The following NRCAM variants were observed in gnomAD, a reference collection of about 807,000 sequenced individuals.
NRCAM encodes NgCAM-related cell adhesion molecule.
NRCAM carries 83 observed loss-of-function variants against 156.5 expected under a neutral mutation model. The observed-to-expected ratio is 0.53, with a 90% CI of 0.44 to 0.64. The LOEUF is 0.64. Ranked by LOEUF, NRCAM falls within the 30% of genes least tolerant of loss-of-function variation. The probability of loss-of-function intolerance (pLI) is 0.00; values close to 1 mark genes in which losing one functional copy is unlikely to be tolerated. For missense variants in NRCAM, 1,417 were observed against 1,597.3 expected (o/e 0.89, Z 1.92); for synonymous variants, 538 against 563.9 (o/e 0.95, Z 0.65).
chr7:108,285,568 A>G (rs901815984), intron 3 of NRCAM, among the ~76,000 whole-genome samples: 2 of 152,238 alleles, frequency 1.3e-5, no homozygotes, highest in African/African-American at 4.8e-5. Flanking sequence ...GGAAGGATTC[A>G]GGTCCAAACT....
At chr7:108,188,912 G>A (rs906558121) in intron 20 of NRCAM, among the ~76,000 whole-genome samples, 5 of 150,364 alleles carry the variant, frequency 3.3e-5, no homozygotes, top group Non-Finnish European at 5.9e-5. Context: ...GTCTTCCTGC[G>A]GTATATGCCT....
At chr7:108,323,895 T>C (rs1473187559) in intron 2 of NRCAM, among the ~76,000 whole-genome samples, 6 of 152,142 alleles carry the variant, frequency 3.9e-5, no homozygotes, top group Admixed American at 1.3e-4. Context: ...TGAGAGCCAC[T>C]GCGAAAGGGC....
intron 2 of NRCAM, among the ~76,000 whole-genome samples, chr7:108,397,916 C>G (rs549586825): frequency 6.6e-6 from 1 of 152,070 alleles, no homozygotes; most frequent in East Asian, 1.9e-4. Context: ...AGAAGAAATA[C>G]TACAGATACA....
chr7:108,441,820 T>C (rs1194653094), intron 1 of NRCAM, among the ~76,000 whole-genome samples: 1 of 152,236 alleles, frequency 6.6e-6, no homozygotes, highest in East Asian at 1.9e-4. Flanking sequence ...TGCCTGTTCA[T>C]TTACATAGTG....
chr7:108,353,592 AT>A (rs1451979171), intron 2 of NRCAM, among the ~76,000 whole-genome samples: 1 of 152,190 alleles, frequency 6.6e-6, no homozygotes, highest in Non-Finnish European at 1.5e-5. Context: ...AAGTGCAGGG[AT>A]TACAGGCATG....
chr7:108,415,843 T>C (rs1048738838), intron 1 of NRCAM, among the ~76,000 whole-genome samples: 8 of 152,182 alleles, frequency 5.3e-5, no homozygotes, highest in African/African-American at 1.7e-4. Context: ...TATCACGCCA[T>C]TGCGCTCCAG....
intron 1 of NRCAM, among the ~76,000 whole-genome samples, chr7:108,413,378 GTCT>G (rs1202326364): frequency 2.0e-5 from 3 of 152,230 alleles, no homozygotes; most frequent in South Asian, 2.1e-4. Flanking sequence ...TATTTGGGCT[GTCT>G]TCTTGTTATT....
intron 11 of NRCAM, among the ~76,000 whole-genome samples, chr7:108,214,793 A>T (rs565158277): frequency 1.3e-5 from 2 of 152,168 alleles, no homozygotes; most frequent in African/African-American, 4.8e-5. Flanking sequence ...ATCCTGGTAC[A>T]TTGTGTCTTT....
At chr7:108,445,467 T>C (rs530551657) in intron 1 of NRCAM, among the ~76,000 whole-genome samples, 1 of 152,322 alleles carries the variant, frequency 6.6e-6, no homozygotes, top group African/African-American at 2.4e-5. Context: ...GAATACATGA[T>C]ACATACGTAT....
At chr7:108,249,232 G>A (rs61057696) in intron 3 of NRCAM, among the ~76,000 whole-genome samples, 7,564 of 152,040 alleles carry the variant, frequency 0.05, 244 homozygotes, top group South Asian at 0.11. Flanking sequence ...TAATCATAAC[G>A]GAACCAAGAA....
chr7:108,382,218 A>G (rs970830713), intron 2 of NRCAM, among the ~76,000 whole-genome samples: 5 of 134,700 alleles, frequency 3.7e-5, no homozygotes, highest in East Asian at 2.9e-4. Flanking sequence ...CCAGAGGAAC[A>G]GAGATTTTTT....
chr7:108,368,352 TAC>T (rs1265963105), intron 2 of NRCAM, among the ~76,000 whole-genome samples: 7 of 151,900 alleles, frequency 4.6e-5, no homozygotes, highest in African/African-American at 7.2e-5. Context: ...TGACTTGACT[TAC>T]CAAGTGAAGT....
intron 2 of NRCAM, among the ~76,000 whole-genome samples, chr7:108,397,341 T>G (rs533396727): frequency 2.6e-4 from 39 of 152,264 alleles, no homozygotes; most frequent in Non-Finnish European, 5.0e-4. Flanking sequence ...AAAAAATCAG[T>G]AAGCTAATTA....
chr7:108,330,351 T>C (rs1472465643), intron 2 of NRCAM, among the ~76,000 whole-genome samples: 7 of 152,172 alleles, frequency 4.6e-5, no homozygotes, highest in Non-Finnish European at 1.0e-4. Context: ...GTGATTGTGC[T>C]CTGAGCAGTA....
intron 1 of NRCAM, among the ~76,000 whole-genome samples, chr7:108,449,380 G>A (rs1057463983): frequency 6.6e-6 from 1 of 152,160 alleles, no homozygotes; most frequent in African/African-American, 2.4e-5. Context: ...TCCCTTCACT[G>A]AAAAGGGCCA....
chr7:108,405,759 T>C (rs904978205), intron 1 of NRCAM, among the ~76,000 whole-genome samples: 15 of 152,206 alleles, frequency 9.9e-5, no homozygotes, highest in African/African-American at 2.7e-4. Flanking sequence ...ACACAGGACA[T>C]TTAGTGGAAA....
At chr7:108,233,967 C>T (rs959016708) in intron 6 of NRCAM, among the ~76,000 whole-genome samples, 2 of 152,204 alleles carry the variant, frequency 1.3e-5, no homozygotes, top group Non-Finnish European at 2.9e-5. Flanking sequence ...TCTCTCCCAA[C>T]TCTAAAATGC....
intron 3 of NRCAM, among the ~76,000 whole-genome samples, chr7:108,250,001 A>C (rs2096235683): frequency 6.6e-6 from 1 of 152,104 alleles, no homozygotes; most frequent in Non-Finnish European, 1.5e-5. Context: ...AGATATCTGC[A>C]CTCCCATGTT....
chr7:108,227,651 C>T (rs1589142226), intron 8 of NRCAM, among the ~76,000 whole-genome samples: 1 of 151,596 alleles, frequency 6.6e-6, no homozygotes, highest in East Asian at 1.9e-4. Flanking sequence ...AATGGACATC[C>T]TGAAGCTCCT....
Sources: gnomAD v4.1 joint callset for allele counts (sites outside exome capture counted in the v4.1 genomes callset) on GRCh38, gnomAD v4.1.1 for gene constraint, MANE v1.5 for transcripts, NCBI Gene and HGNC (gene_info 2026-07-23, HGNC 2026-07-21) for gene names.